Variants in CALN1 observed in about 807,000 individuals in gnomAD.
The protein encoded by CALN1 is calneuron 1, also known as calcium-binding protein 8.
CALN1 carries 17 observed loss-of-function variants against 30.6 expected under a neutral mutation model. That is an observed-to-expected ratio of 0.56 (90% CI 0.38 to 0.83). The LOEUF (loss-of-function observed/expected upper bound fraction) is 0.83. Among genes scored for constraint, CALN1 ranks in the 40% least tolerant of loss-of-function variants. The probability of loss-of-function intolerance (pLI) is 0.00; values close to 1 mark genes in which losing one functional copy is unlikely to be tolerated. For synonymous variants in CALN1, 156 were observed against 131.4 expected (o/e 1.19, Z -1.28); for missense variants, 291 against 354.9 (o/e 0.82, Z 1.45).
chr7:72,374,977 T>TA (rs1194060982), intron 2 of CALN1, among the ~76,000 whole-genome samples: 22 of 152,216 alleles, frequency 1.4e-4, no homozygotes, highest in African/African-American at 2.6e-4. Context: ...CCCTGTATGT[T>TA]AAAAAATCAA....
intron 3 of CALN1, among the ~76,000 whole-genome samples, chr7:72,124,831 GAA>G (rs763503606): frequency 1.3e-5 from 2 of 151,900 alleles, no homozygotes; most frequent in African/African-American, 4.8e-5. Flanking sequence ...TTTGATATGT[GAA>G]AAGTTTTACC....
intron 3 of CALN1, among the ~76,000 whole-genome samples, chr7:72,221,927 T>C (rs1303353450): frequency 6.7e-6 from 1 of 150,270 alleles, no homozygotes; most frequent in Non-Finnish European, 1.5e-5. Context: ...GGGTAACCTA[T>C]AAAGAAAAGA....
chr7:72,484,299 A>C, the CALN1 span, among the ~76,000 whole-genome samples: 1 of 151,808 alleles, frequency 6.6e-6, no homozygotes, highest in South Asian at 2.1e-4. Flanking sequence ...AACTATTTAG[A>C]ACTAGCTTAT....
intron 5 of CALN1, among the ~76,000 whole-genome samples, chr7:71,814,446 G>A (rs1276128081): frequency 6.6e-6 from 1 of 152,164 alleles, no homozygotes; most frequent in African/African-American, 2.4e-5. Context: ...AGTCTCCCCT[G>A]GGGAGGGGAG....
chr7:72,247,745 C>G (rs1199151600), intron 3 of CALN1, among the ~76,000 whole-genome samples: 1 of 152,104 alleles, frequency 6.6e-6, no homozygotes, highest in Non-Finnish European at 1.5e-5. Flanking sequence ...AATCCCAACA[C>G]TTTGGGAAGC....
At chr7:72,036,556 A>G (rs1234029507) in intron 4 of CALN1, among the ~76,000 whole-genome samples, 3 of 152,010 alleles carry the variant, frequency 2.0e-5, no homozygotes, top group African/African-American at 7.2e-5. Context: ...CAGTCTTGGT[A>G]ATTTCCTTTG....
intron 3 of CALN1, among the ~76,000 whole-genome samples, chr7:72,277,686 G>A (rs567653): frequency 6.6e-6 from 1 of 152,062 alleles, no homozygotes; most frequent in African/African-American, 2.4e-5. Context: ...CTCACTTCCT[G>A]CCTGTTGTGA....
chr7:72,414,386 G>A (rs184496212), upstream of CALN1, among the ~76,000 whole-genome samples: 1 of 152,276 alleles, frequency 6.6e-6, no homozygotes, highest in East Asian at 1.9e-4. Flanking sequence ...GAGGCTGAGT[G>A]GCTTCCCAGG....
At chr7:72,410,127 G>C (rs767097493) in intron 1 of CALN1, among the ~76,000 whole-genome samples, 1 of 152,162 alleles carries the variant, frequency 6.6e-6, no homozygotes, top group Non-Finnish European at 1.5e-5. Context: ...TGACAAAAAA[G>C]ACGACAGGGC....
chr7:72,051,301 G>A (rs1287704992), intron 4 of CALN1, among the ~76,000 whole-genome samples: 2 of 151,862 alleles, frequency 1.3e-5, no homozygotes, highest in Admixed American at 1.3e-4. Context: ...CACAAATACA[G>A]AAGAGATAAA....
intron 5 of CALN1, among the ~76,000 whole-genome samples, chr7:71,985,223 A>G (rs1798601532): frequency 6.6e-6 from 1 of 152,224 alleles, no homozygotes. Context: ...AGAGCAAATC[A>G]AAACGACTAT....
intron 2 of CALN1, among the ~76,000 whole-genome samples, chr7:72,327,758 C>T (rs1002559277): frequency 6.6e-6 from 1 of 152,114 alleles, no homozygotes; most frequent in African/African-American, 2.4e-5. Context: ...TTTAATTGCT[C>T]TATTCTTCAT....
intron 5 of CALN1, among the ~76,000 whole-genome samples, chr7:71,816,241 C>A (rs188568755): frequency 6.6e-6 from 1 of 152,252 alleles, no homozygotes; most frequent in Admixed American, 6.5e-5. Context: ...GCCATTTATA[C>A]ACTTCAGAGC....
intron 3 of CALN1, among the ~76,000 whole-genome samples, chr7:72,112,107 C>T (rs540819751): frequency 6.6e-6 from 1 of 152,220 alleles, no homozygotes; most frequent in Admixed American, 6.5e-5. Context: ...GAGAATCAGG[C>T]CTCAGCTCCA....
chr7:72,244,025 TGAATG>T (rs1470072526), intron 3 of CALN1, among the ~76,000 whole-genome samples: 3 of 152,226 alleles, frequency 2.0e-5, no homozygotes, highest in African/African-American at 7.2e-5. Context: ...CCCATCCTGC[TGAATG>T]GAATGAGGAC....
chr7:72,288,291 TCTCA>T (rs750797638), intron 2 of CALN1, among the ~76,000 whole-genome samples: 2 of 152,158 alleles, frequency 1.3e-5, no homozygotes, highest in Non-Finnish European at 2.9e-5. Flanking sequence ...TCATAAAAGG[TCTCA>T]CTTTCTTGTG....
At chr7:72,423,953 G>A (rs866226353) in intron 1 of CALN1, among the ~76,000 whole-genome samples, 4 of 103,308 alleles carry the variant, frequency 3.9e-5, no homozygotes, top group African/African-American at 2.0e-4. Flanking sequence ...AAAGAAAGAA[G>A]GGAGGGAGGG....
At chr7:71,965,993 CTACCAGGGAG>C (rs1401055027) in intron 5 of CALN1, among the ~76,000 whole-genome samples, 1 of 151,676 alleles carries the variant, frequency 6.6e-6, no homozygotes, top group Non-Finnish European at 1.5e-5. Flanking sequence ...CCTCCAAGTA[CTACCAGGGAG>C]TATAATCTTG....
In CALN1 at chr7:72,072,199, A is replaced by G. The variant is rs563551502; in HGVS notation, c.388+33952T>C. The stretch of plus-strand genomic sequence containing the variant: ...TGAACTTCATCTAAGATGAACTCAA[A>G]GAGACCCACATCAAGACATACTATA... On this transcript the variant is annotated intron_variant, in intron 4 of 6. Coordinates refer to ENST00000395275, the MANE Select transcript of CALN1 (RefSeq NM_031468.4). Among the ~76,000 whole-genome samples the G allele has an allele frequency of 3.3e-5, 5 of 152,348 alleles. No individual in the cohort carries two copies. In the South Asian group the frequency reaches 1.0e-3, roughly 32 times the overall value.
Sources: gnomAD v4.1 joint callset for allele counts (sites outside exome capture counted in the v4.1 genomes callset) on GRCh38, gnomAD v4.1.1 for gene constraint, MANE v1.5 for transcripts, NCBI Gene and HGNC (gene_info 2026-07-23, HGNC 2026-07-21) for gene names.